SCAPER: variants seen among roughly 807,000 people sequenced by gnomAD.
The protein encoded by SCAPER is S phase cyclin A-associated protein in the endoplasmic reticulum.
A neutral mutation model predicts 182.2 loss-of-function variants in SCAPER; 98 were observed. The ratio of observed to expected loss-of-function variants is 0.54; its 90% CI spans 0.46 to 0.64. SCAPER has a LOEUF of 0.64. SCAPER is among the 30% of genes least tolerant of loss of function. The pLI is 0.00. For synonymous variants in SCAPER, 605 were observed against 564.6 expected, an observed-to-expected ratio of 1.07 and a Z score of -1.01; for missense variants, 1,432 against 1,690.0, an observed-to-expected ratio of 0.85 and a Z score of 2.68.
intron 29 of SCAPER, among the ~76,000 whole-genome samples, chr15:76,355,038 G>C (rs2040860618): frequency 6.6e-6 from 1 of 152,196 alleles, no homozygotes; most frequent in African/African-American, 2.4e-5. Context: ...ACTGTAAATT[G>C]TACTTGGAAA....
chr15:76,437,254 G>T (rs577714139), intron 25 of SCAPER, among the ~76,000 whole-genome samples: 1 of 152,118 alleles, frequency 6.6e-6, no homozygotes, highest in East Asian at 1.9e-4. Context: ...TTCTGAGATA[G>T]CCAGTAACTC....
At chr15:76,371,000 G>A (rs1026004013) in intron 29 of SCAPER, among the ~76,000 whole-genome samples, 15 of 152,156 alleles carry the variant, frequency 9.9e-5, no homozygotes, top group Admixed American at 4.6e-4. Flanking sequence ...TTCAGTGATC[G>A]CTAGCAGATG....
chr15:76,523,678 ACAAT>A (rs1238576936), intron 23 of SCAPER, among the ~76,000 whole-genome samples: 3 of 152,220 alleles, frequency 2.0e-5, no homozygotes, highest in Admixed American at 6.5e-5. Context: ...TAACATGAGT[ACAAT>A]CAGAGGGCTC....
Position 76,753,915 on chromosome 15 carries a change from G to A in SCAPER, c.1759C>T (p.Leu587=). The A allele has an allele frequency of 1.2e-6, 2 of 1,612,866 alleles. No homozygotes were observed. Among genetic ancestry groups the A allele is most frequent in the Non-Finnish European group, 1.7e-6 (2 of 1,179,228 alleles). ...KDVRKWKEEL[L]DQRRRMMEEK... ...TCCATCATCCTGCGTCGTTGATCTA[G>A]CAATTCTTCCTTCCACTTCCGGACA... The change falls in exon 15 of 32, where the codon CTA becomes TTA. Residue 587 remains leucine, a synonymous_variant. Coordinates refer to ENST00000563290, the MANE Select transcript of SCAPER (RefSeq NM_020843.4).
chr15:76,775,230 T>C (rs1489210286), intron 8 of SCAPER, 113 bp from the exon 9 acceptor site: 4 of 891,570 alleles, frequency 4.5e-6, no homozygotes, highest in African/African-American at 3.4e-5. Flanking sequence ...ATAACTAATA[T>C]ACAAACATGA....
At chr15:76,572,736 G>C (rs987730545) in intron 23 of SCAPER, among the ~76,000 whole-genome samples, 73 of 152,202 alleles carry the variant, frequency 4.8e-4, no homozygotes, top group African/African-American at 1.7e-3. Flanking sequence ...TCAGAAATCC[G>C]GGGCAGGAGC....
chr15:76,413,895 G>T (rs2045474325), intron 26 of SCAPER, among the ~76,000 whole-genome samples: 1 of 152,122 alleles, frequency 6.6e-6, no homozygotes, highest in South Asian at 2.1e-4. Context: ...TAGGAGTCTT[G>T]TATCTTTTGC....
intron 2 of SCAPER, among the ~76,000 whole-genome samples, chr15:76,864,721 C>A (rs1390618608): frequency 6.6e-6 from 1 of 151,748 alleles, no homozygotes; most frequent in East Asian, 1.9e-4. Flanking sequence ...TTAGGCTTTG[C>A]AGGCCATAAG....
chr15:76,552,227 G>A (rs1167041977), intron 23 of SCAPER, among the ~76,000 whole-genome samples: 2 of 152,086 alleles, frequency 1.3e-5, no homozygotes, highest in South Asian at 2.1e-4. Context: ...AGGTTGCAGT[G>A]AGCTGACTGC....
At chr15:76,351,113 A>T (rs2040514569) in intron 31 of SCAPER, 124 bp downstream of exon 31, 1 of 738,162 alleles carries the variant, frequency 1.4e-6, no homozygotes, top group Non-Finnish European at 2.1e-6. Context: ...TGGTATCTGA[A>T]TCTCAAATAT....
chr15:76,432,054 A>G (rs1293718707), intron 26 of SCAPER, among the ~76,000 whole-genome samples: 2 of 152,238 alleles, frequency 1.3e-5, no homozygotes, highest in Admixed American at 6.5e-5. Flanking sequence ...TGGAATTGCA[A>G]TGAAGCATTT....
intron 5 of SCAPER, among the ~76,000 whole-genome samples, chr15:76,835,847 T>A (rs2068895418): frequency 6.7e-6 from 1 of 149,328 alleles, no homozygotes; most frequent in Non-Finnish European, 1.5e-5. Flanking sequence ...ACAAAATCAA[T>A]GTACAAAAAT....
chr15:76,669,722 A>G (rs2056877362), intron 20 of SCAPER, among the ~76,000 whole-genome samples: 1 of 152,204 alleles, frequency 6.6e-6, no homozygotes, highest in African/African-American at 2.4e-5. Flanking sequence ...GATCAAAACC[A>G]CGACTGGCTG....
intron 5 of SCAPER, among the ~76,000 whole-genome samples, chr15:76,831,286 C>T (rs2068451694): frequency 6.6e-6 from 1 of 152,102 alleles, no homozygotes; most frequent in African/African-American, 2.4e-5. Context: ...CATTTGCTGG[C>T]CTCTTTCAGG....
chr15:76,578,130 G>C lies in SCAPER; in HGVS notation c.2712-3846C>G, dbSNP rs75281718. On this transcript the variant is annotated intron_variant, in intron 22 of 31. Coordinates refer to ENST00000563290, the MANE Select transcript of SCAPER (RefSeq NM_020843.4). ...GAGACTCCTATGACTATAGAAAGGG[G>C]AGGGAAGAGTGGTAAGGACTTTGTC... 1.3e-3 allele frequency among the ~76,000 whole-genome samples: 196 copies of C among 152,224 alleles called. No individual in the cohort carries two copies. The East Asian group carries it at 0.014, about 11-fold the overall frequency.
chr15:76,463,666 T>C (rs1341729265), intron 25 of SCAPER, among the ~76,000 whole-genome samples: 1 of 152,174 alleles, frequency 6.6e-6, no homozygotes, highest in Non-Finnish European at 1.5e-5. Flanking sequence ...TAAAATGCAA[T>C]GAAACATCAA....
intron 8 of SCAPER, among the ~76,000 whole-genome samples, chr15:76,779,975 A>T (rs1180253387): frequency 6.6e-6 from 1 of 152,196 alleles, no homozygotes; most frequent in Non-Finnish European, 1.5e-5. Flanking sequence ...GACGCAGAAG[A>T]AAGGATTTCT....
chr15:76,819,170 G>C (rs545508074), intron 5 of SCAPER, among the ~76,000 whole-genome samples: 9 of 152,366 alleles, frequency 5.9e-5, no homozygotes, highest in African/African-American at 1.9e-4. Flanking sequence ...GCAGGGCACA[G>C]ACAAACAAAA....
intron 17 of SCAPER, among the ~76,000 whole-genome samples, chr15:76,708,295 A>G (rs534793398): frequency 2.6e-5 from 4 of 152,224 alleles, no homozygotes; most frequent in African/African-American, 9.6e-5. Flanking sequence ...TTTTTGACCC[A>G]TGGTTGACTG....
Sources: gnomAD v4.1 joint callset for allele counts (sites outside exome capture counted in the v4.1 genomes callset) on GRCh38, gnomAD v4.1.1 for gene constraint, MANE v1.5 for transcripts, NCBI Gene and HGNC (gene_info 2026-07-23, HGNC 2026-07-21) for gene names.